The following FAM76A variants were observed in gnomAD, a reference collection of about 807,000 sequenced individuals.
FAM76A encodes family with sequence similarity 76 member A.
FAM76A carries 32 observed loss-of-function variants against 46.2 expected under a neutral mutation model. That is an observed-to-expected ratio of 0.69 (90% CI 0.52 to 0.93). FAM76A has a LOEUF of 0.93. Among genes scored for constraint, FAM76A ranks in the 40% least tolerant of loss-of-function variants. The pLI is 0.00. For missense variants in FAM76A, 274 were observed against 361.5 expected (o/e 0.76, Z 1.96); for synonymous variants, 137 against 127.0 (o/e 1.08, Z -0.53).
chr1:27,751,286 G>A (rs2088327597), intron 6 of FAM76A, among the ~76,000 whole-genome samples: 1 of 152,236 alleles, frequency 6.6e-6, no homozygotes, highest in East Asian at 1.9e-4. Flanking sequence ...AAATGTTCCT[G>A]CATTAGCATT....
intron 7 of FAM76A, among the ~76,000 whole-genome samples, chr1:27,755,938 C>T (rs1250167463): frequency 1.3e-5 from 2 of 152,184 alleles, no homozygotes; most frequent in East Asian, 3.9e-4. Flanking sequence ...GTGTTCACAT[C>T]TCAGTTCACA....
chr1:27,737,236 A>C (rs2088064194), intron 4 of FAM76A, among the ~76,000 whole-genome samples: 1 of 152,168 alleles, frequency 6.6e-6, no homozygotes, highest in African/African-American at 2.4e-5. Flanking sequence ...AGCATGAGCC[A>C]CCGTGCCCGG....
chr1:27,737,313 T>C (rs1050184051), intron 4 of FAM76A, among the ~76,000 whole-genome samples: 1 of 152,240 alleles, frequency 6.6e-6, no homozygotes, highest in Non-Finnish European at 1.5e-5. Context: ...TGTGGATCTA[T>C]GTGCAATTTT....
chr1:27,731,718 T>A (rs1242752053), intron 2 of FAM76A, among the ~76,000 whole-genome samples: 1 of 152,156 alleles, frequency 6.6e-6, no homozygotes, highest in African/African-American at 2.4e-5. Flanking sequence ...TGCTAGTCCA[T>A]TTTAGTATAA....
chr1:27,744,906 C>A, intron 5 of FAM76A, 95 bp downstream of exon 5: 1 of 1,223,210 alleles, frequency 8.2e-7, no homozygotes, highest in Non-Finnish European at 1.1e-6. Context: ...ATCTCATATA[C>A]ATTTTCTATA....
chr1:27,732,470 C>T (rs762229039), intron 2 of FAM76A, 133 bp from the exon 3 acceptor site: 1 of 565,176 alleles, frequency 1.8e-6, no homozygotes, highest in Non-Finnish European at 3.2e-6. Context: ...GAAAGGTACT[C>T]AAGCTAGTGT....
chr1:27,730,553 C>T (rs899152749), intron 2 of FAM76A, among the ~76,000 whole-genome samples: 5 of 152,142 alleles, frequency 3.3e-5, no homozygotes, highest in Non-Finnish European at 5.9e-5. Context: ...ACATCTACCC[C>T]ATTCCTTCAG....
intron 4 of FAM76A, chr1:27,739,364 T>C: frequency 1.9e-6 from 1 of 525,090 alleles, no homozygotes; most frequent in Non-Finnish European, 3.9e-6. Context: ...TACTTAAATA[T>C]GGAACACCTC....
intron 2 of FAM76A, among the ~76,000 whole-genome samples, chr1:27,729,760 TTTTG>T (rs1466613940): frequency 2.0e-5 from 3 of 152,194 alleles, no homozygotes; most frequent in Admixed American, 2.0e-4. Context: ...TTGCAGCTCT[TTTTG>T]TGTGTGTGTG....
At chr1:27,739,604 T>C (rs1484799739) in intron 4 of FAM76A, among the ~76,000 whole-genome samples, 2 of 152,018 alleles carry the variant, frequency 1.3e-5, no homozygotes, top group African/African-American at 4.8e-5. Context: ...CTGGACAACA[T>C]GGCAAAAGCC....
At chr1:27,747,610 A>C (rs987816769) in intron 5 of FAM76A, among the ~76,000 whole-genome samples, 2 of 152,162 alleles carry the variant, frequency 1.3e-5, no homozygotes, top group Admixed American at 6.5e-5. Flanking sequence ...AGGTTAACAC[A>C]AATATAGTGA....
chr1:27,732,342 A>C (rs1040328820), intron 2 of FAM76A, among the ~76,000 whole-genome samples: 2 of 152,136 alleles, frequency 1.3e-5, no homozygotes, highest in Non-Finnish European at 2.9e-5. Flanking sequence ...AGGCATGAGA[A>C]TCGCTTGAAC....
chr1:27,753,019 G>C (rs1431351202), intron 6 of FAM76A, among the ~76,000 whole-genome samples: 1 of 152,164 alleles, frequency 6.6e-6, no homozygotes, highest in East Asian at 1.9e-4. Context: ...AATTAGCCAG[G>C]CATGGTGGCG....
At chr1:27,726,282 G>A in intron 1 of FAM76A, 121 bp downstream of exon 1, 2 of 910,320 alleles carry the variant, frequency 2.2e-6, no homozygotes, top group Non-Finnish European at 2.9e-6. Context: ...CCGCCAGGCT[G>A]AGGAGCCGCA....
chr1:27,735,485 C>A (rs1397187042), intron 4 of FAM76A, among the ~76,000 whole-genome samples: 3 of 152,150 alleles, frequency 2.0e-5, no homozygotes, highest in African/African-American at 4.8e-5. Context: ...GCCAGAGGTG[C>A]TTTTAAGAGG....
At chr1:27,737,066 C>T (rs574504618) in intron 4 of FAM76A, among the ~76,000 whole-genome samples, 2 of 152,342 alleles carry the variant, frequency 1.3e-5, no homozygotes, top group African/African-American at 2.4e-5. Flanking sequence ...TCTCCTGCCT[C>T]AGCCTCCCGA....
intron 4 of FAM76A, among the ~76,000 whole-genome samples, chr1:27,737,239 G>T (rs531227308): frequency 6.6e-6 from 1 of 152,070 alleles, no homozygotes; most frequent in Non-Finnish European, 1.5e-5. Flanking sequence ...ATGAGCCACC[G>T]TGCCCGGCCT....
At chr1:27,731,615 C>G (rs1335898106) in intron 2 of FAM76A, among the ~76,000 whole-genome samples, 2 of 152,138 alleles carry the variant, frequency 1.3e-5, no homozygotes, top group Non-Finnish European at 2.9e-5. Flanking sequence ...AAGATAGAAT[C>G]TCTGAGTTTA....
Position 27,726,170 on chromosome 1 carries a change from G to C in FAM76A, c.81+9G>C. 7.8e-7 allele frequency: 1 copy of C among 1,276,444 alleles called. No homozygotes were observed. 79.1% of individuals were successfully genotyped at this position (1,276,444 alleles called of 1,614,324 possible). ...GGCAGCAGCTGTGCAAGGTGCGCGG[G>C]CTGGGGCGGCGGCCGGGAACTGGGG... On this transcript the variant is annotated intron_variant, in intron 1 of 8. Transcript: ENST00000373954.
Sources: gnomAD v4.1 joint callset for allele counts (sites outside exome capture counted in the v4.1 genomes callset) on GRCh38, gnomAD v4.1.1 for gene constraint, MANE v1.5 for transcripts, NCBI Gene and HGNC (gene_info 2026-07-23, HGNC 2026-07-21) for gene names.